The following RBM19 variants were observed in gnomAD, a reference collection of about 807,000 sequenced individuals.
The protein encoded by RBM19 is RNA binding motif protein 19.
In RBM19, 94 loss-of-function variants were observed where a neutral mutation model predicts 116.8. The ratio of observed to expected loss-of-function variants is 0.80; its 90% CI spans 0.68 to 0.95. RBM19 has a LOEUF of 0.95. Among genes scored for constraint, RBM19 ranks in the 40% least tolerant of loss-of-function variants. The pLI, the probability that RBM19 is intolerant of heterozygous loss-of-function variation, is 0.00. For synonymous variants in RBM19, 475 were observed against 494.1 expected, an observed-to-expected ratio of 0.96 and a Z score of 0.51; for missense variants, 1,161 against 1,220.7, an observed-to-expected ratio of 0.95 and a Z score of 0.73.
At chr12:113,944,045 C>T (rs1008517572) in intron 13 of RBM19, among the ~76,000 whole-genome samples, 29 of 148,914 alleles carry the variant, frequency 1.9e-4, no homozygotes, top group African/African-American at 6.8e-4. Context: ...CAAAAACATT[C>T]CCAGGTTTGC....
At chr12:113,937,463 G>A (rs941114160) in intron 15 of RBM19, among the ~76,000 whole-genome samples, 9 of 152,266 alleles carry the variant, frequency 5.9e-5, no homozygotes, top group African/African-American at 1.9e-4. Context: ...GGAGTGGGAC[G>A]AGGAGCGACC....
chr12:113,915,635 G>C (rs1434720470), intron 20 of RBM19, among the ~76,000 whole-genome samples: 1 of 152,202 alleles, frequency 6.6e-6, no homozygotes, highest in Admixed American at 6.5e-5. Context: ...GTAGGGAAGT[G>C]AGCAAGGCTG....
chr12:113,858,098 G>C (rs1878050141), intron 22 of RBM19, among the ~76,000 whole-genome samples: 1 of 152,254 alleles, frequency 6.6e-6, no homozygotes, highest in Admixed American at 6.5e-5. Context: ...GAGGGCAGTG[G>C]CTTTGGGTAC....
chr12:113,911,594 C>T (rs1443409309), intron 21 of RBM19, among the ~76,000 whole-genome samples: 1 of 152,118 alleles, frequency 6.6e-6, no homozygotes, highest in East Asian at 1.9e-4. Context: ...GGATTAAGTG[C>T]CTCATTTGTA....
intron 6 of RBM19, 95 bp downstream of exon 6, chr12:113,957,687 C>T: frequency 1.4e-6 from 2 of 1,465,290 alleles, no homozygotes; most frequent in Non-Finnish European, 1.8e-6. Context: ...GCGTCTTTCC[C>T]CAACATTCCG....
At chr12:113,819,848 G>A (rs571680476), downstream of RBM19, among the ~76,000 whole-genome samples, 2 of 152,306 alleles carry the variant, frequency 1.3e-5, no homozygotes, top group African/African-American at 2.4e-5. Flanking sequence ...CCCGAGCTCC[G>A]CTTTATGGCT....
At chr12:113,936,810 C>T (rs761233386) in intron 16 of RBM19, 197 bp downstream of exon 16, 50 of 611,914 alleles carry the variant, frequency 8.2e-5, no homozygotes, top group Non-Finnish European at 1.3e-4. Flanking sequence ...AAACTAAAAG[C>T]ATATTGCATC....
chr12:113,831,915 G>T (rs1202627996), intron 23 of RBM19, among the ~76,000 whole-genome samples: 1 of 152,326 alleles, frequency 6.6e-6, no homozygotes, highest in East Asian at 1.9e-4. Context: ...CACTGCTGCA[G>T]GGAGAAGGAT....
At chr12:113,948,718 T>G (rs1341994221) in intron 10 of RBM19, 115 bp downstream of exon 10, 2 of 1,055,306 alleles carry the variant, frequency 1.9e-6, no homozygotes, top group African/African-American at 3.2e-5. Context: ...ATGAGAAAAC[T>G]GAGGCAAGAG....
intron 21 of RBM19, among the ~76,000 whole-genome samples, chr12:113,890,178 C>G (rs527514027): frequency 6.6e-6 from 1 of 152,372 alleles, no homozygotes; most frequent in African/African-American, 2.4e-5. Context: ...TAGACACAAT[C>G]TGAGTCTTTT....
At chr12:113,910,610 T>G (rs1023570799) in intron 21 of RBM19, among the ~76,000 whole-genome samples, 1 of 152,160 alleles carries the variant, frequency 6.6e-6, no homozygotes, top group Admixed American at 6.5e-5. Context: ...AGGGTCCATC[T>G]AGGAATAGCA....
intron 22 of RBM19, among the ~76,000 whole-genome samples, chr12:113,845,210 G>T (rs568673234): frequency 2.0e-5 from 3 of 152,134 alleles, no homozygotes; most frequent in African/African-American, 7.2e-5. Context: ...ACTGGGTGTC[G>T]CTCTCCTTCA....
In RBM19 at chr12:113,914,969, C is replaced by T. The variant is rs376638065; in HGVS notation, c.2558G>A (p.Ser853Asn). 69 of 1,612,582 alleles carry T rather than the reference C, an allele frequency of 4.3e-5. No individual in the cohort carries two copies. The highest frequency in any genetic ancestry group is 1.7e-5 in the Admixed American group (1 of 60,006). ...AHSREIRELF[S>N]TFGELKTVRL... ...CCTGGACTAAACCTGAAGTTCTCAC[C>T]TGAAGAGCTCTCGGATCTCCCGGCT... The change falls in exon 21 of 24, where the codon AGC becomes AAC. Residue 853 changes from serine (S) to asparagine (N), a missense_variant and splice_region_variant. By Grantham distance (46) the Ser-to-Asn change is conservative. Coordinates refer to ENST00000261741, the MANE Select transcript of RBM19 (RefSeq NM_016196.4).
chr12:113,880,116 A>T lies in RBM19; in HGVS notation c.2559-21220T>A, dbSNP rs563075345. 4.6e-5 allele frequency among the ~76,000 whole-genome samples: 7 copies of T among 151,920 alleles called. No homozygotes were observed. In the South Asian group the frequency reaches 1.0e-3, roughly 23 times the overall value. On this transcript the variant is annotated intron_variant, in intron 21 of 23. Transcript: ENST00000261741. ...ATGAAGAAGGCCCACTTAAGTATAA[A>T]TTCCAGAAAAAGAACAAATAGGTAT...
At chr12:113,857,818 C>A (rs1190537091) in intron 22 of RBM19, among the ~76,000 whole-genome samples, 1 of 152,246 alleles carries the variant, frequency 6.6e-6, no homozygotes, top group Non-Finnish European at 1.5e-5. Context: ...AGCTGACCCA[C>A]CCCCTGGGCC....
chr12:113,926,935 G>T (rs1466768906), intron 17 of RBM19, 119 bp downstream of exon 17: 7 of 1,175,984 alleles, frequency 6.0e-6, no homozygotes, highest in Non-Finnish European at 8.4e-6. Flanking sequence ...GCTGGTTATT[G>T]CTCCCAAGTG....
At chr12:113,859,665 T>C (rs752721766) in intron 21 of RBM19, among the ~76,000 whole-genome samples, 1 of 152,182 alleles carries the variant, frequency 6.6e-6, no homozygotes, top group Non-Finnish European at 1.5e-5. Context: ...GACAAAGGGA[T>C]AGGGCTTTCT....
At chr12:113,850,150 C>G (rs552392158) in intron 22 of RBM19, among the ~76,000 whole-genome samples, 10 of 152,224 alleles carry the variant, frequency 6.6e-5, no homozygotes, top group Non-Finnish European at 1.3e-4. Flanking sequence ...AATACCTCTT[C>G]ATTCACACCA....
At position 113,959,041 on chromosome 12, in the gene RBM19, C is replaced by T. The variant is rs941712911; in HGVS notation, c.571+171G>A. ...TTTGTTGACTGACTGACTGAATACA[C>T]AACTAGGATCAGTGAAGACAGATGC... On this transcript the variant is annotated intron_variant, in intron 5 of 23. Coordinates refer to ENST00000261741, the MANE Select transcript of RBM19 (RefSeq NM_016196.4). Among the ~76,000 whole-genome samples the T allele has an allele frequency of 2.6e-5, 4 of 152,360 alleles. No individual in the cohort carries two copies. In the South Asian group the frequency reaches 8.3e-4, roughly 32 times the overall value.
Sources: gnomAD v4.1 joint callset for allele counts (sites outside exome capture counted in the v4.1 genomes callset) on GRCh38, gnomAD v4.1.1 for gene constraint, MANE v1.5 for transcripts, NCBI Gene and HGNC (gene_info 2026-07-23, HGNC 2026-07-21) for gene names.